Variants in KLRG1 observed in about 807,000 individuals in gnomAD.
KLRG1 encodes killer cell lectin like receptor G1.
KLRG1 carries 16 observed loss-of-function variants against 21.8 expected under a neutral mutation model. The observed-to-expected ratio is 0.73, with a 90% CI of 0.50 to 1.11. KLRG1 has a LOEUF of 1.11. Among genes scored for constraint, KLRG1 ranks in the 50% most tolerant of loss-of-function variants. The pLI, the probability that KLRG1 is intolerant of heterozygous loss-of-function variation, is 0.00. For missense variants in KLRG1, 173 were observed against 218.3 expected (o/e 0.79, Z 1.31); for synonymous variants, 69 against 75.9 (o/e 0.91, Z 0.47).
chr12:9,115,931 A>G, the KLRG1 span: 1 of 1,157,150 alleles, frequency 8.6e-7, no homozygotes, highest in African/African-American at 1.5e-5. Context: ...AACACTTCCC[A>G]AAGCAACTGG....
intron 3 of KLRG1, among the ~76,000 whole-genome samples, chr12:9,003,241 C>T (rs896071477): frequency 3.8e-4 from 57 of 151,924 alleles, no homozygotes; most frequent in Non-Finnish European, 4.9e-4. Flanking sequence ...CATTAGCTGC[C>T]GTTCCTCCTC....
chr12:9,109,328 A>T, the KLRG1 span: 1 of 1,611,570 alleles, frequency 6.2e-7, no homozygotes, highest in East Asian at 2.2e-5. Flanking sequence ...CACAGGCCAC[A>T]CACTGATACA....
At chr12:9,038,365 A>G in the KLRG1 span, among the ~76,000 whole-genome samples, 221 of 152,320 alleles carry the variant, frequency 1.5e-3, 1 homozygote, top group African/African-American at 5.2e-3. Context: ...GCTGCTGTCT[A>G]TAGGTAGAAA....
the KLRG1 span, chr12:9,169,692 A>C: frequency 3.5e-6 from 4 of 1,158,944 alleles, no homozygotes; most frequent in Non-Finnish European, 4.6e-6. Flanking sequence ...TCTTTTCTTG[A>C]GTACGTTCAT....
chr12:9,005,222 A>AG (rs1371054545), intron 3 of KLRG1, among the ~76,000 whole-genome samples: 6 of 151,820 alleles, frequency 4.0e-5, no homozygotes, highest in Non-Finnish European at 4.4e-5. Context: ...GGGCAAGGGG[A>AG]GGGATAGCAC....
chr12:9,079,177 A>C, the KLRG1 span: 11 of 1,202,784 alleles, frequency 9.1e-6, no homozygotes, highest in African/African-American at 1.5e-5. Flanking sequence ...CTGTGAATAT[A>C]ATTGAGGTAA....
the KLRG1 span, chr12:9,196,344 G>T: frequency 1.2e-6 from 2 of 1,609,496 alleles, no homozygotes; most frequent in Non-Finnish European, 1.7e-6. Flanking sequence ...GCAAAAAAGG[G>T]GATTCCTTGT....
the KLRG1 span, among the ~76,000 whole-genome samples, chr12:9,026,894 T>A: frequency 6.6e-6 from 1 of 152,136 alleles, no homozygotes; most frequent in Non-Finnish European, 1.5e-5. Flanking sequence ...CTCACTTTTT[T>A]GCCCAGGCTG....
the KLRG1 span, among the ~76,000 whole-genome samples, chr12:9,023,893 G>C: frequency 1.3e-5 from 2 of 151,722 alleles, no homozygotes; most frequent in Admixed American, 1.3e-4. Flanking sequence ...GTGAGATATA[G>C]GTTGAGGTTT....
At chr12:9,209,991 T>G in the KLRG1 span, among the ~76,000 whole-genome samples, 1 of 152,138 alleles carries the variant, frequency 6.6e-6, no homozygotes, top group South Asian at 2.1e-4. Flanking sequence ...GGATTCTTCA[T>G]AGTTTTCAAC....
the KLRG1 span, chr12:9,200,991 A>G: frequency 1.2e-6 from 2 of 1,614,128 alleles, no homozygotes; most frequent in Non-Finnish European, 1.7e-6. Flanking sequence ...GAGAGGGGAA[A>G]GGACAACTGA....
the KLRG1 span, among the ~76,000 whole-genome samples, chr12:9,113,038 T>C: frequency 6.6e-5 from 10 of 152,232 alleles, 1 homozygote; most frequent in African/African-American, 2.4e-4. Context: ...GGGTGGCTCA[T>C]GTTGAGCCTT....
the KLRG1 span, among the ~76,000 whole-genome samples, chr12:9,042,648 A>T: frequency 1.3e-5 from 2 of 152,192 alleles, no homozygotes; most frequent in Non-Finnish European, 2.9e-5. Context: ...GTTTACTGGA[A>T]TGGTTATAGA....
chr12:9,086,862 T>A, the KLRG1 span, among the ~76,000 whole-genome samples: 2 of 152,198 alleles, frequency 1.3e-5, no homozygotes, highest in Non-Finnish European at 2.9e-5. Context: ...CTGTTGGTGA[T>A]GACATTATCT....
chr12:9,190,142 G>T, the KLRG1 span, among the ~76,000 whole-genome samples: 1 of 152,068 alleles, frequency 6.6e-6, no homozygotes, highest in Non-Finnish European at 1.5e-5. Context: ...CCAGTACTGG[G>T]TATATATCCA....
At chr12:9,157,834 A>G in the KLRG1 span, 1 of 1,613,302 alleles carries the variant, frequency 6.2e-7, no homozygotes, top group South Asian at 1.1e-5. Context: ...TTCATCTTCT[A>G]CACCTCCCTG....
chr12:9,147,044 A>T, the KLRG1 span, among the ~76,000 whole-genome samples: 1 of 152,316 alleles, frequency 6.6e-6, no homozygotes, highest in African/African-American at 2.4e-5. Context: ...AGGTGGGGCT[A>T]GACTGTGCAG....
the KLRG1 span, chr12:9,079,191 A>T: frequency 3.6e-6 from 5 of 1,382,744 alleles, no homozygotes; most frequent in Non-Finnish European, 4.1e-6. Flanking sequence ...GAGGTAATAC[A>T]TGTAAAAGAG....
the KLRG1 span, among the ~76,000 whole-genome samples, chr12:9,136,931 C>T: frequency 6.6e-6 from 1 of 152,138 alleles, no homozygotes; most frequent in African/African-American, 2.4e-5. Context: ...GGATAGCAAC[C>T]CCTTGTCAGA....
Sources: allele counts gnomAD v4.1 joint callset (sites outside exome capture counted in the v4.1 genomes callset), GRCh38; gene constraint gnomAD v4.1.1; transcripts MANE v1.5; gene names NCBI Gene and HGNC (gene_info 2026-07-23, HGNC 2026-07-21).